The following HFM1 variants were observed in gnomAD, a reference collection of about 807,000 sequenced individuals.
HFM1 encodes the protein probable ATP-dependent DNA helicase HFM1.
Under a neutral mutation model 192.1 loss-of-function variants are expected in HFM1, and 169 were observed. The observed-to-expected ratio is 0.88, with a 90% CI of 0.78 to 1.00. The LOEUF is 1.00. HFM1 is among the 50% of genes least tolerant of loss of function. The pLI is 0.00. For missense variants in HFM1, 1,661 were observed against 1,668.0 expected, an observed-to-expected ratio of 1.00 and a Z score of 0.07; for synonymous variants, 525 against 537.8, an observed-to-expected ratio of 0.98 and a Z score of 0.33.
At chr1:91,317,974 G>A (rs1041679548) in intron 25 of HFM1, among the ~76,000 whole-genome samples, 4 of 152,084 alleles carry the variant, frequency 2.6e-5, no homozygotes, top group African/African-American at 9.7e-5. Flanking sequence ...GGGACAGAAT[G>A]CAATGGATGC....
chr1:91,323,896 C>T (rs983207017), intron 21 of HFM1, among the ~76,000 whole-genome samples: 29 of 152,140 alleles, frequency 1.9e-4, no homozygotes, highest in African/African-American at 6.8e-4. Flanking sequence ...ACTCCTCAAT[C>T]ATAACTGGAA....
Position 91,375,587 on chromosome 1 carries a change from G to C in HFM1, c.1536C>G (p.Thr512=). 1 of 1,613,438 alleles carries C rather than the reference G, an allele frequency of 6.2e-7. No individual in the cohort carries two copies. Among genetic ancestry groups the C allele is most frequent in the Non-Finnish European group, 8.5e-7 (1 of 1,179,598 alleles). ...SNQTEFKFDL[T]LNYKIASVIQ... ...TAACACTGGCAATTTTGTAGTTGAG[G>C]GTTAAATCAAACTTAAACTCAGTTT... Residue 512 remains threonine (T), a synonymous_variant, in exon 12 of 39, where the codon ACC becomes ACG. Transcript: ENST00000370425.
At chr1:91,299,334 G>A (rs1212364310) in intron 30 of HFM1, among the ~76,000 whole-genome samples, 1 of 152,074 alleles carries the variant, frequency 6.6e-6, no homozygotes, top group East Asian at 1.9e-4. Flanking sequence ...CAATAATAAT[G>A]GGAGACTTTC....
At chr1:91,270,528 G>A (rs945604441) in intron 34 of HFM1, among the ~76,000 whole-genome samples, 25 of 151,530 alleles carry the variant, frequency 1.6e-4, no homozygotes, top group Non-Finnish European at 3.1e-4. Context: ...TTAAAGACAC[G>A]GGCTTGGGTG....
chr1:91,396,144 T>A lies in HFM1; in HGVS notation c.184+149A>T, dbSNP rs560937692. On this transcript the variant is annotated intron_variant, in intron 3 of 38. Transcript: ENST00000370425. ...GAGTATCTGAAATTTCTGAAATCAA[T>A]ACCCAATATGAGTATACATATTTTG... 2.0e-4 allele frequency: 88 copies of A among 438,636 alleles called. 1 individual carries two copies. The East Asian group carries it at 3.1e-3, about 15-fold the overall frequency. The allele number at this position is 438,636 out of a possible 1,614,324, so 27.2% of individuals were successfully genotyped here.
Position 91,396,338 on chromosome 1 carries a change from C to T in HFM1, c.139G>A (p.Asp47Asn). ...PPAPLISEIP[D>N]TQELEEELES... ...AATTCTTCCTCTAACTCCTGAGTATCTGGAATTTCTGAAATCAATGGAGCA... is the reference window on the plus strand; with the variant it reads ...AATTCTTCCTCTAACTCCTGAGTATTTGGAATTTCTGAAATCAATGGAGCA... Residue 47 changes from aspartate to asparagine, a missense_variant, in exon 3 of 39, where the codon GAT (aspartate) becomes AAT (asparagine). Asp to Asn is a conservative substitution (Grantham distance 23). Coordinates refer to ENST00000370425, the MANE Select transcript of HFM1 (RefSeq NM_001017975.6). 6.2e-7 allele frequency: 1 copy of T among 1,602,562 alleles called. No individual in the cohort carries two copies. Among genetic ancestry groups the T allele is most frequent in the East Asian group, 2.2e-5 (1 of 44,796 alleles).
chr1:91,309,694 T>C (rs1478494532), intron 30 of HFM1, among the ~76,000 whole-genome samples: 2 of 152,200 alleles, frequency 1.3e-5, no homozygotes, highest in Admixed American at 6.5e-5. Context: ...TCTATTATTT[T>C]TGAGCCATTG....
At chr1:91,302,927 T>C (rs887545673) in intron 30 of HFM1, among the ~76,000 whole-genome samples, 10 of 152,106 alleles carry the variant, frequency 6.6e-5, no homozygotes, top group Admixed American at 1.3e-4. Context: ...AAAAGTATAA[T>C]TTAAAATTAA....
intron 36 of HFM1, 80 bp from the exon 37 acceptor site, chr1:91,262,672 G>T: frequency 1.2e-6 from 1 of 831,918 alleles, no homozygotes; most frequent in Non-Finnish European, 1.9e-6. Flanking sequence ...GATTTTTGGG[G>T]AATATGATCA....
chr1:91,390,793 T>A (rs1222051707), intron 4 of HFM1, among the ~76,000 whole-genome samples: 1 of 152,146 alleles, frequency 6.6e-6, no homozygotes, highest in African/African-American at 2.4e-5. Flanking sequence ...GGTATTCAAT[T>A]AGGAAAAGAG....
At position 91,315,914 on chromosome 1, in the gene HFM1, A is replaced by G; in HGVS notation, c.3041T>C (p.Phe1014Ser). The G allele has an allele frequency of 6.2e-7, 1 of 1,603,614 alleles. No homozygotes were observed. Among genetic ancestry groups the G allele is most frequent in the South Asian group, 1.1e-5 (1 of 90,792 alleles). The change falls in exon 28 of 39, where the codon TTT (phenylalanine) becomes TCT (serine). Residue 1014 changes from phenylalanine (F) to serine (S), a missense_variant. Phe to Ser is a radical substitution (Grantham distance 155, BLOSUM62 -2). Transcript: ENST00000370425. ...EILVTVILRN[F>S]EQLQTKRTAS... ...TGTTCTTTTAGTTTGTAGCTGTTCA[A>G]AATTTCTTAATATAACAGTCACTAA...
chr1:91,338,855 A>G, intron 20 of HFM1: 1 of 449,774 alleles, frequency 2.2e-6, no homozygotes, highest in South Asian at 1.6e-5. Flanking sequence ...CACTGTTGGC[A>G]TTACACATGA....
Position 91,319,331 on chromosome 1 carries a change from G to GT in HFM1, c.2641dup (p.Thr881AsnfsTer32). The GT allele has an allele frequency of 1.2e-6, 2 of 1,612,594 alleles. No homozygotes were observed. Among genetic ancestry groups the GT allele is most frequent in the East Asian group, 2.2e-5 (1 of 44,828 alleles). On this transcript the variant is annotated frameshift_variant, in exon 24 of 39. Coordinates refer to ENST00000370425, the MANE Select transcript of HFM1 (RefSeq NM_001017975.6). LOFTEE classifies it high-confidence loss of function. The stretch of plus-strand genomic sequence containing the variant: ...GGAGCCATGTCTGAAAATCTTTGCG[G>GT]TATCTTGTGTCAAAGCAAAATCTTG...
intron 13 of HFM1, among the ~76,000 whole-genome samples, chr1:91,362,313 G>C (rs2101836835): frequency 6.6e-6 from 1 of 152,164 alleles, no homozygotes; most frequent in Middle Eastern, 3.4e-3. Flanking sequence ...CAGCACAAAA[G>C]CTTCTTAAGC....
chr1:91,286,911 GA>G (rs1163593978), intron 30 of HFM1, among the ~76,000 whole-genome samples: 1 of 152,188 alleles, frequency 6.6e-6, no homozygotes, highest in Non-Finnish European at 1.5e-5. Context: ...ACGGCACCTG[GA>G]AAATTGGGTC....
intron 13 of HFM1, among the ~76,000 whole-genome samples, chr1:91,354,332 T>C (rs946961219): frequency 1.3e-5 from 2 of 151,802 alleles, no homozygotes; most frequent in Non-Finnish European, 1.5e-5. Flanking sequence ...ACAAAGCCTA[T>C]AGGACTTATG....
chr1:91,322,146 C>T (rs1652211070), intron 23 of HFM1, among the ~76,000 whole-genome samples: 1 of 152,034 alleles, frequency 6.6e-6, no homozygotes, highest in African/African-American at 2.4e-5. Context: ...TAAACATTAA[C>T]TTCTGTGGTA....
rs60376025 is a variant in HFM1 at position 91,277,860 on chromosome 1, A to G, written c.3392-798T>C. 9.1e-3 allele frequency among the ~76,000 whole-genome samples: 127 copies of G among 14,000 alleles called. No individual in the cohort carries two copies. The Middle Eastern group carries it at 0.15, about 17-fold the overall frequency. The allele number at this position is 14,000 out of a possible 152,430, so 9.2% of individuals were successfully genotyped here. A position where few individuals can be genotyped will look rare whatever the true frequency, so the allele number is the denominator to read the frequency against. ...ATATATACTAATATATATTATATAT[A>G]CTTTATATATATAATATATACTTAT... is the stretch of plus-strand genomic sequence containing the variant. On this transcript the variant is annotated intron_variant, in intron 30 of 38. Transcript: ENST00000370425.
chr1:91,372,725 A>G (rs1389838509), intron 13 of HFM1, among the ~76,000 whole-genome samples: 1 of 152,160 alleles, frequency 6.6e-6, no homozygotes, highest in Non-Finnish European at 1.5e-5. Flanking sequence ...CCTAAAACTT[A>G]AAGTATAATA....
Sources: gnomAD v4.1 joint callset for allele counts (sites outside exome capture counted in the v4.1 genomes callset) on GRCh38, gnomAD v4.1.1 for gene constraint, MANE v1.5 for transcripts, NCBI Gene and HGNC (gene_info 2026-07-23, HGNC 2026-07-21) for gene names.